The following NCOR2 variants were observed in gnomAD, a reference collection of about 807,000 sequenced individuals.
The protein encoded by NCOR2 is nuclear receptor corepressor 2, also known as CTG repeat protein 26.
A neutral mutation model predicts 262.9 loss-of-function variants in NCOR2; 81 were observed. The ratio of observed to expected loss-of-function variants is 0.31; its 90% CI spans 0.26 to 0.37. NCOR2 has a LOEUF of 0.37. Among genes scored for constraint, NCOR2 ranks in the 10% least tolerant of loss-of-function variants. The probability of loss-of-function intolerance (pLI) is 1.00; values close to 1 mark genes in which losing one functional copy is unlikely to be tolerated. For synonymous variants in NCOR2, 1,659 were observed against 1,559.3 expected (o/e 1.06, Z -1.51); for missense variants, 3,385 against 3,621.4 (o/e 0.93, Z 1.68).
At chr12:124,442,923 A>G (rs1033292276) in intron 7 of NCOR2, among the ~76,000 whole-genome samples, 8 of 152,206 alleles carry the variant, frequency 5.3e-5, no homozygotes, top group Admixed American at 5.2e-4. Flanking sequence ...CGGGAAGAAC[A>G]CCACACGAAT....
intron 13 of NCOR2, among the ~76,000 whole-genome samples, chr12:124,417,897 T>C (rs2042995700): frequency 6.6e-6 from 1 of 151,942 alleles, no homozygotes; most frequent in Non-Finnish European, 1.5e-5. Flanking sequence ...CTGTCTCTAT[T>C]ATAAATACAA....
In NCOR2 at chr12:124,367,057, G is replaced by A. The variant is rs1018010845; in HGVS notation, c.2808-3258C>T. Among the ~76,000 whole-genome samples, 5 of 152,322 alleles carry A rather than the reference G, an allele frequency of 3.3e-5. No individual in the cohort carries two copies. The East Asian group carries it at 7.7e-4, about 23-fold the overall frequency. On this transcript the variant is annotated intron_variant, in intron 20 of 46. Coordinates refer to ENST00000405201, the Ensembl canonical transcript of NCOR2. ...ATATGTGTAAAGATAATTCTATAGA[G>A]ATAAAAATATGACTTTATAACACAC...
chr12:124,524,723 C>A (rs977752850), intron 1 of NCOR2, among the ~76,000 whole-genome samples: 1 of 152,224 alleles, frequency 6.6e-6, no homozygotes, highest in Non-Finnish European at 1.5e-5. Flanking sequence ...ACTAATCACC[C>A]CCAGGTCTCC....
intron 26 of NCOR2, 63 bp from the exon 29 acceptor site, chr12:124,354,259 T>C (rs1434086613): frequency 2.0e-6 from 3 of 1,474,034 alleles, no homozygotes; most frequent in Non-Finnish European, 2.8e-6. Context: ...CAGGCCCCAG[T>C]CCTGAGAGCC....
chr12:124,451,766 G>A (rs2045556596), intron 6 of NCOR2, among the ~76,000 whole-genome samples: 1 of 152,158 alleles, frequency 6.6e-6, no homozygotes, highest in Non-Finnish European at 1.5e-5. Flanking sequence ...CGACAGAAGG[G>A]ACACACAAGT....
chr12:124,369,225 C>T (rs1018186068), intron 20 of NCOR2, among the ~76,000 whole-genome samples: 6 of 152,160 alleles, frequency 3.9e-5, no homozygotes, highest in African/African-American at 1.2e-4. Flanking sequence ...CAGGCAGGCT[C>T]GGGGTTTTGC....
rs2037826340 is a variant in NCOR2 at position 124,354,888 on chromosome 12, CCG to C, written c.3431_3432del (p.Pro1144ArgfsTer92). 6.2e-7 allele frequency: 1 copy of C among 1,612,062 alleles called. No individual in the cohort carries two copies. The highest frequency in any genetic ancestry group is 8.5e-7 in the Non-Finnish European group (1 of 1,179,444). ...GGCAGCCCCATGGTGACAGGGCCCACCGGGGCCTTGGCATGCTCTGAGTACGG... is the reference window on the plus strand; with the variant it reads ...GGCAGCCCCATGGTGACAGGGCCCACGGGCCTTGGCATGCTCTGAGTACGG... On this transcript the variant is annotated frameshift_variant, in exon 25 of 47. Coordinates refer to ENST00000405201, the Ensembl canonical transcript of NCOR2. LOFTEE classifies it high-confidence loss of function.
At chr12:124,385,856 G>A (rs780438559) in exon 17 of NCOR2, 1 of 1,613,852 alleles carries the variant, frequency 6.2e-7, no homozygotes, top group Non-Finnish European at 8.5e-7. Context: ...TCCGGGCGAT[G>A]GCCGACCAGT....
chr12:124,494,432 T>C (rs2048267911), intron 1 of NCOR2, among the ~76,000 whole-genome samples: 1 of 152,180 alleles, frequency 6.6e-6, no homozygotes, highest in South Asian at 2.1e-4. Context: ...CCAAGGCCCG[T>C]TGTCCTGGCC....
rs936548410 is a variant in NCOR2, at chr12:124,549,959, C to T, written c.-164-14348G>A. Among the ~76,000 whole-genome samples, 4 of 152,218 alleles carry T rather than the reference C, an allele frequency of 2.6e-5. No individual in the cohort carries two copies. Among genetic ancestry groups the T allele is most frequent in the African/African-American group, 4.8e-5 (2 of 41,454 alleles). Reference sequence around the variant, plus strand: ...GCGCAAGCTCCGAGGAAAACTCCTTCGCAGGACCTTTCTCCCCTCCTGAGG... The same window carrying T: ...GCGCAAGCTCCGAGGAAAACTCCTTTGCAGGACCTTTCTCCCCTCCTGAGG... On this transcript the variant is annotated intron_variant, in intron 1 of 32. Transcript: ENST00000458234. This position sits in a 1 kb window ranked among gnomAD's most constrained non-coding sequence, Gnocchi z 4.4.
intron 7 of NCOR2, among the ~76,000 whole-genome samples, chr12:124,447,730 T>A (rs905392495): frequency 6.6e-6 from 1 of 151,906 alleles, no homozygotes; most frequent in African/African-American, 2.4e-5. Flanking sequence ...AGGGTTTTGC[T>A]CTGTCACCCA....
intron 1 of NCOR2, among the ~76,000 whole-genome samples, chr12:124,544,146 C>T (rs929002260): frequency 1.3e-5 from 2 of 152,290 alleles, no homozygotes; most frequent in African/African-American, 4.8e-5. Flanking sequence ...GCACTGGAGA[C>T]TGCTGGATGA....
At chr12:124,490,390 G>A (rs780405532) in intron 1 of NCOR2, among the ~76,000 whole-genome samples, 1 of 150,934 alleles carries the variant, frequency 6.6e-6, no homozygotes, top group Non-Finnish European at 1.5e-5. Flanking sequence ...GGCCCGAGAC[G>A]CCTGATAAGT....
intron 1 of NCOR2, among the ~76,000 whole-genome samples, chr12:124,561,326 A>G (rs984211985): frequency 7.2e-5 from 11 of 152,120 alleles, no homozygotes; most frequent in Admixed American, 6.6e-4. Context: ...TTAAAAGTAA[A>G]AACTAAAATT....
chr12:124,491,858 G>A (rs139433080), intron 1 of NCOR2, among the ~76,000 whole-genome samples: 6,349 of 152,276 alleles, frequency 0.042, 166 homozygotes, highest in Middle Eastern at 0.13. Context: ...CTACTGTCAC[G>A]GAGAGAAGCT....
chr12:124,417,758 C>G (rs532106958), intron 13 of NCOR2, among the ~76,000 whole-genome samples: 1 of 152,312 alleles, frequency 6.6e-6, no homozygotes, highest in Admixed American at 6.5e-5. Context: ...GAATGCACTT[C>G]AATTTCAAAA....
intron 16 of NCOR2, among the ~76,000 whole-genome samples, chr12:124,391,264 A>C (rs1260461390): frequency 6.6e-6 from 1 of 151,922 alleles, no homozygotes; most frequent in Admixed American, 6.6e-5. Context: ...CCCTGGAAAC[A>C]CACTCGCTCT....
intron 1 of NCOR2, among the ~76,000 whole-genome samples, chr12:124,553,410 G>C (rs761415328): frequency 2.6e-5 from 4 of 152,136 alleles, no homozygotes; most frequent in African/African-American, 7.2e-5. Context: ...CTTAACACAG[G>C]CTTCAAAAAC....
intron 17 of NCOR2, among the ~76,000 whole-genome samples, chr12:124,384,838 G>A (rs1349622231): frequency 6.6e-6 from 1 of 151,984 alleles, no homozygotes; most frequent in Non-Finnish European, 1.5e-5. Context: ...TCCTGGGGGA[G>A]GGGAGCTATG....
Sources: gnomAD v4.1 joint callset for allele counts (sites outside exome capture counted in the v4.1 genomes callset) on GRCh38, gnomAD v4.1.1 for gene constraint, Gnocchi (gnomAD v3.1) non-coding constraint, MANE v1.5 for transcripts, NCBI Gene and HGNC (gene_info 2026-07-23, HGNC 2026-07-21) for gene names.